Variants in BCL11A observed in about 807,000 individuals in gnomAD.
BCL11A encodes the protein BCL11 transcription factor A.
Under a neutral mutation model 55.9 loss-of-function variants are expected in BCL11A, and 2 were observed. The ratio of observed to expected loss-of-function variants is 0.04; its 90% CI spans 0.01 to 0.11. The LOEUF (loss-of-function observed/expected upper bound fraction) is 0.11. BCL11A is among the 10% of genes least tolerant of loss of function. The pLI is 1.00. For missense variants in BCL11A, 817 were observed against 1,137.1 expected, an observed-to-expected ratio of 0.72 and a Z score of 4.05; for synonymous variants, 465 against 473.4, an observed-to-expected ratio of 0.98 and a Z score of 0.23.
intron 2 of BCL11A, chr2:60,543,249 T>C (rs902606273): frequency 6.6e-6 from 1 of 152,156 alleles, no homozygotes; most frequent in African/African-American, 2.4e-5. Context: ...AAATCCAACT[T>C]ACATCACTTT....
At chr2:60,517,616 G>A (rs1668791644) in intron 2 of BCL11A, among the ~76,000 whole-genome samples, 1 of 152,360 alleles carries the variant, frequency 6.6e-6, no homozygotes, top group East Asian at 1.9e-4. Context: ...AGCACATGCG[G>A]GCCACCTCTG....
chr2:60,481,050 C>A (rs1481215435), intron 2 of BCL11A, among the ~76,000 whole-genome samples: 1 of 152,168 alleles, frequency 6.6e-6, no homozygotes, highest in African/African-American at 2.4e-5. Context: ...GCCTCAGATG[C>A]AGGGAGAACA....
chr2:60,458,597 C>G lies in BCL11A; in HGVS notation c.*1807G>C, dbSNP rs1676057934. The G allele has an allele frequency of 9.7e-7, 1 of 1,033,754 alleles. No homozygotes were observed. Among genetic ancestry groups the G allele is most frequent in the Non-Finnish European group, 1.2e-6 (1 of 858,872 alleles). The allele number at this position is 1,033,754 out of a possible 1,614,324, so 64.0% of individuals were successfully genotyped here. A position where few individuals can be genotyped will look rare whatever the true frequency, so the allele number is the denominator to read the frequency against. On this transcript the variant is annotated 3_prime_UTR_variant, in exon 4 of 4. Transcript: ENST00000642384. ...GCTCAATAGTCAAGTAAATGGCTGG[C>G]AAAGTTTTTTTTTTTTTAGTTTTTA...
intron 2 of BCL11A, among the ~76,000 whole-genome samples, chr2:60,507,365 A>G (rs1203168474): frequency 3.8e-5 from 1 of 26,086 alleles, no homozygotes; most frequent in African/African-American, 4.9e-4. Context: ...AAGGGAAGGG[A>G]AGGGAAGGGA....
chr2:60,491,241 A>G (rs1678610247), intron 2 of BCL11A, among the ~76,000 whole-genome samples: 1 of 152,264 alleles, frequency 6.6e-6, no homozygotes, highest in Admixed American at 6.5e-5. Context: ...GCTAAGTTCT[A>G]AAAACGTATT....
rs372561879 is a variant in BCL11A at position 60,461,931 on chromosome 2, A to G, written c.981T>C (p.Ser327=). 1 of 1,614,006 alleles carries G rather than the reference A, an allele frequency of 6.2e-7. No homozygotes were observed. The change falls in exon 4 of 4, where the codon TCT becomes TCC. Residue 327 remains serine, a synonymous_variant. Coordinates refer to ENST00000642384, the MANE Select transcript of BCL11A (RefSeq NM_022893.4). ...GCCGGCCTGGGGACAGCGGTGGGCT[A>G]GACGTGTTCCCTGCCAGCTCTCTAA... ...RRLRELAGNT[S]SPPLSPGRPS... is the part of the protein sequence containing the mutation.
At chr2:60,467,075 GTGGTGGTGGTGGTGGTGGTGATGA>G (rs544200472) in intron 3 of BCL11A, among the ~76,000 whole-genome samples, 491 of 150,010 alleles carry the variant, frequency 3.3e-3, no homozygotes, top group Non-Finnish European at 2.7e-3. Flanking sequence ...GGTGGCAGTG[GTGGTGGTGGTGGTGGTGGTGATGA>G]TGGTGGTGGT....
At chr2:60,483,381 C>G (rs2104210833) in intron 2 of BCL11A, among the ~76,000 whole-genome samples, 1 of 152,336 alleles carries the variant, frequency 6.6e-6, no homozygotes, top group African/African-American at 2.4e-5. Context: ...AATTCCCCTG[C>G]CCAGTGCAAA....
chr2:60,533,368 G>T (rs1669539786), intron 2 of BCL11A: 1 of 152,162 alleles, frequency 6.6e-6, no homozygotes, highest in African/African-American at 2.4e-5. Flanking sequence ...AGGAATGAAG[G>T]GGGTGATGCA....
chr2:60,520,388 T>C (rs993002069), intron 2 of BCL11A, among the ~76,000 whole-genome samples: 2 of 152,222 alleles, frequency 1.3e-5, no homozygotes, highest in African/African-American at 4.8e-5. Flanking sequence ...ATTTGCATAA[T>C]GCATTACTAA....
intron 3 of BCL11A, among the ~76,000 whole-genome samples, chr2:60,467,747 ATGGTGGTGGTAATGG>A (rs1676874714): frequency 1.2e-4 from 6 of 48,906 alleles, no homozygotes; most frequent in Admixed American, 1.2e-3. Flanking sequence ...GGTGGTAGTG[ATGGTGGTGGTAATGG>A]TGGTGGTGGA....
downstream of BCL11A, among the ~76,000 whole-genome samples, chr2:60,456,229 T>C (rs2103770571): frequency 6.6e-6 from 1 of 152,330 alleles, no homozygotes; most frequent in South Asian, 2.1e-4. Context: ...GTTTTGGTTT[T>C]TTACAAAAAT....
In BCL11A at chr2:60,546,777, G is replaced by A. The variant is rs759490566; in HGVS notation, c.56-477C>T. 1.2e-4 allele frequency among the ~76,000 whole-genome samples: 18 copies of A among 151,980 alleles called. No individual in the cohort carries two copies. Among genetic ancestry groups the A allele is most frequent in the Admixed American group, 3.3e-4 (5 of 15,274 alleles). On this transcript the variant is annotated intron_variant, in intron 1 of 3. Coordinates refer to ENST00000642384, the MANE Select transcript of BCL11A (RefSeq NM_022893.4). The surrounding 1 kb of genome is among the most constrained non-coding windows in gnomAD (Gnocchi z 4.1). ...CATTGTGCCAAAGAATGAAAGGAGA[G>A]GTGAATAAACACACACACCCTTTGT...
Position 60,458,302 on chromosome 2 carries a change from G to A in BCL11A, c.*2102C>T. On this transcript the variant is annotated 3_prime_UTR_variant, in exon 4 of 4. Transcript: ENST00000642384. ...TTTTTTTTTTACAACCTGAAGAGCG[G>A]TGTGTATCCAAGGCATAGAATTTCC... 9.8e-7 allele frequency: 1 copy of A among 1,025,578 alleles called. No homozygotes were observed. 63.5% of individuals were successfully genotyped at this position (1,025,578 alleles called of 1,614,324 possible).
intron 2 of BCL11A, chr2:60,541,704 G>A (rs957377410): frequency 5.5e-5 from 27 of 488,898 alleles, no homozygotes; most frequent in Non-Finnish European, 7.3e-5. Flanking sequence ...GATTTTGAAG[G>A]TAAGTAAAAT....
At chr2:60,551,779 C>G (rs2104791898) in intron 1 of BCL11A, among the ~76,000 whole-genome samples, 1 of 150,798 alleles carries the variant, frequency 6.6e-6, no homozygotes, top group Admixed American at 6.6e-5. Flanking sequence ...CGGGTGGGCG[C>G]CGGGCGCCGG....
intron 2 of BCL11A, chr2:60,526,089 A>G (rs1309138663): frequency 6.6e-6 from 1 of 152,226 alleles, no homozygotes; most frequent in Non-Finnish European, 1.5e-5. Flanking sequence ...GGTTTTTTCT[A>G]TAACAATGAT....
chr2:60,525,400 A>G (rs763532148), intron 2 of BCL11A: 1 of 152,204 alleles, frequency 6.6e-6, no homozygotes, highest in Non-Finnish European at 1.5e-5. Context: ...CTGCACTTCA[A>G]TTTTGCTTCC....
Position 60,460,436 on chromosome 2 carries a change from G to A in BCL11A, c.2476C>T (p.Arg826Ter), listed in dbSNP as rs771597942. The A allele has an allele frequency of 6.2e-7, 1 of 1,606,094 alleles. No individual in the cohort carries two copies. Among genetic ancestry groups the A allele is most frequent in the South Asian group, 1.1e-5 (1 of 90,922 alleles). ...GTTTTTATATCATTATTCAACACTC[G>A]ATCACTGTGCCATTTTTTCATGTGT... ...EKHMKKWHSD[R>*]VLNNDIKTE The change falls in exon 4 of 4, where the codon CGA becomes TGA. Residue 826 changes from arginine to a stop codon, truncating the protein, a stop_gained. Transcript: ENST00000642384. LOFTEE classifies it high-confidence loss of function.
Sources: allele counts gnomAD v4.1 joint callset (sites outside exome capture counted in the v4.1 genomes callset), GRCh38; gene constraint gnomAD v4.1.1; non-coding constraint Gnocchi (gnomAD v3.1); transcripts MANE v1.5; gene names NCBI Gene and HGNC (gene_info 2026-07-23, HGNC 2026-07-21).